The following SUGCT variants were observed in gnomAD, a reference collection of about 807,000 sequenced individuals.
The protein encoded by SUGCT is succinyl-CoA:glutarate CoA-transferase.
In SUGCT, 41 loss-of-function variants were observed where a neutral mutation model predicts 55.0. The ratio of observed to expected loss-of-function variants is 0.74; its 90% CI spans 0.58 to 0.97. SUGCT has a LOEUF of 0.97. Ranked by LOEUF, SUGCT falls within the 50% of genes least tolerant of loss-of-function variation. The probability of loss-of-function intolerance (pLI) is 0.00; values close to 1 mark genes in which losing one functional copy is unlikely to be tolerated. For missense variants in SUGCT, 568 were observed against 547.8 expected, an observed-to-expected ratio of 1.04 and a Z score of -0.37; for synonymous variants, 187 against 200.4, an observed-to-expected ratio of 0.93 and a Z score of 0.56.
chr7:40,754,024 A>G (rs1321858539), intron 13 of SUGCT, among the ~76,000 whole-genome samples: 1 of 152,214 alleles, frequency 6.6e-6, no homozygotes, highest in African/African-American at 2.4e-5. Context: ...GTTAGGAAAG[A>G]AATGTAATTT....
chr7:40,310,690 A>AT (rs1335927905), intron 8 of SUGCT, among the ~76,000 whole-genome samples: 1 of 152,104 alleles, frequency 6.6e-6, no homozygotes, highest in African/African-American at 2.4e-5. Context: ...TGTTATGAAT[A>AT]TTTTTCCACA....
At chr7:40,478,099 C>A (rs1158036635) in intron 11 of SUGCT, among the ~76,000 whole-genome samples, 1 of 152,206 alleles carries the variant, frequency 6.6e-6, no homozygotes, top group East Asian at 1.9e-4. Flanking sequence ...CTCAAGGGAT[C>A]CTCCTGCCTA....
At chr7:40,484,516 A>C (rs1377670516) in intron 11 of SUGCT, among the ~76,000 whole-genome samples, 2 of 152,086 alleles carry the variant, frequency 1.3e-5, no homozygotes, top group Admixed American at 6.5e-5. Flanking sequence ...GTTTGTTTGC[A>C]TTTTTGTTAA....
chr7:40,950,671 T>C, the SUGCT span, among the ~76,000 whole-genome samples: 7 of 152,200 alleles, frequency 4.6e-5, no homozygotes, highest in Non-Finnish European at 1.0e-4. Flanking sequence ...CATGAAGGGC[T>C]GTTGAATTTC....
intron 9 of SUGCT, among the ~76,000 whole-genome samples, chr7:40,377,203 CTTTTCTTTT>C (rs1784626464): frequency 2.5e-4 from 3 of 11,950 alleles, no homozygotes; most frequent in Non-Finnish European, 4.5e-4. Context: ...TCTTTCTTTT[CTTTTCTTTT>C]CTTTCTTTTC....
At chr7:40,573,273 A>G (rs1231521003) in intron 12 of SUGCT, among the ~76,000 whole-genome samples, 1 of 152,202 alleles carries the variant, frequency 6.6e-6, no homozygotes, top group Non-Finnish European at 1.5e-5. Context: ...AGGATTTTCC[A>G]GAGGCCAGCT....
chr7:40,799,083 C>G (rs1484415444), intron 13 of SUGCT, among the ~76,000 whole-genome samples: 6 of 152,102 alleles, frequency 3.9e-5, no homozygotes. Flanking sequence ...TCTTATGAGA[C>G]AGGATGGACT....
At chr7:40,920,056 AG>A in the SUGCT span, among the ~76,000 whole-genome samples, 1 of 151,742 alleles carries the variant, frequency 6.6e-6, no homozygotes, top group East Asian at 1.9e-4. Flanking sequence ...ACCTTCTCGG[AG>A]GTATCTTTCT....
intron 9 of SUGCT, among the ~76,000 whole-genome samples, chr7:40,428,023 G>A (rs1346133684): frequency 6.6e-6 from 1 of 152,040 alleles, no homozygotes; most frequent in African/African-American, 2.4e-5. Context: ...TAGTATTATT[G>A]TGGTGTTCTC....
chr7:40,543,672 A>G (rs990132417), intron 12 of SUGCT, among the ~76,000 whole-genome samples: 1 of 152,226 alleles, frequency 6.6e-6, no homozygotes, highest in Non-Finnish European at 1.5e-5. Context: ...TGTGCAAATT[A>G]TAATGAACTT....
At chr7:40,550,836 CACAT>C (rs1240732787) in intron 12 of SUGCT, among the ~76,000 whole-genome samples, 1 of 152,102 alleles carries the variant, frequency 6.6e-6, no homozygotes, top group African/African-American at 2.4e-5. Flanking sequence ...TTTCAGAGTT[CACAT>C]ACATTTCATC....
At chr7:40,814,912 TAGGTG>T (rs976422024) in intron 13 of SUGCT, among the ~76,000 whole-genome samples, 1 of 152,154 alleles carries the variant, frequency 6.6e-6, no homozygotes, top group African/African-American at 2.4e-5. Flanking sequence ...CCTCCCTTCC[TAGGTG>T]ATGTGACTGT....
At chr7:40,481,958 G>A (rs1363887215) in intron 11 of SUGCT, among the ~76,000 whole-genome samples, 1 of 152,000 alleles carries the variant, frequency 6.6e-6, no homozygotes, top group African/African-American at 2.4e-5. Context: ...TTGGAGATGA[G>A]GACTTTTGTC....
chr7:40,245,445 TTTTTTTTTTTTTG>T (rs1562607638), intron 7 of SUGCT, among the ~76,000 whole-genome samples: 1 of 74,454 alleles, frequency 1.3e-5, no homozygotes, highest in African/African-American at 5.7e-5. Flanking sequence ...TTTTTTTTTT[TTTTTTTTTTTTTG>T]AGATGGAGTC....
the SUGCT span, among the ~76,000 whole-genome samples, chr7:40,898,480 C>CGGGGGG: frequency 9.6e-3 from 55 of 5,704 alleles, 14 homozygotes; most frequent in Non-Finnish European, 0.014. Context: ...TCCGGGAGGT[C>CGGGGGG]GGGGGGGGGG....
intron 12 of SUGCT, among the ~76,000 whole-genome samples, chr7:40,658,581 G>A (rs1378756477): frequency 1.3e-5 from 2 of 152,104 alleles, no homozygotes; most frequent in African/African-American, 2.4e-5. Context: ...ACAGGCGGTA[G>A]GGGAAGTGTC....
chr7:40,842,287 T>G (rs576061283), intron 13 of SUGCT, among the ~76,000 whole-genome samples: 1 of 152,268 alleles, frequency 6.6e-6, no homozygotes, highest in African/African-American at 2.4e-5. Context: ...ATAAGACTTA[T>G]GTTTTCCAAG....
intron 13 of SUGCT, among the ~76,000 whole-genome samples, chr7:40,794,489 G>A (rs994367082): frequency 1.2e-4 from 19 of 152,026 alleles, no homozygotes; most frequent in Non-Finnish European, 2.1e-4. Flanking sequence ...AACATTTTGG[G>A]AAGCCCAGCT....
the SUGCT span, among the ~76,000 whole-genome samples, chr7:40,952,173 C>T: frequency 1.3e-5 from 2 of 152,160 alleles, no homozygotes; most frequent in East Asian, 3.9e-4. Flanking sequence ...ATAGTTAGCT[C>T]TTCTTGTTGC....
Sources: gnomAD v4.1 joint callset for allele counts (sites outside exome capture counted in the v4.1 genomes callset) on GRCh38, gnomAD v4.1.1 for gene constraint, MANE v1.5 for transcripts, NCBI Gene and HGNC (gene_info 2026-07-23, HGNC 2026-07-21) for gene names.